The following CNTNAP2 variants were observed in gnomAD, a reference collection of about 807,000 sequenced individuals.
The protein encoded by CNTNAP2 is contactin-associated protein-like 2.
Under a neutral mutation model 155.2 loss-of-function variants are expected in CNTNAP2, and 98 were observed. The ratio of observed to expected loss-of-function variants is 0.63; its 90% CI spans 0.54 to 0.75. CNTNAP2 has a LOEUF of 0.75. CNTNAP2 is among the 30% of genes least tolerant of loss of function. The pLI is 0.00. For synonymous variants in CNTNAP2, 651 were observed against 631.2 expected (o/e 1.03, Z -0.47); for missense variants, 1,727 against 1,688.1 (o/e 1.02, Z -0.40).
At chr7:146,944,873 G>A (rs985867223) in intron 3 of CNTNAP2, among the ~76,000 whole-genome samples, 5 of 149,802 alleles carry the variant, frequency 3.3e-5, no homozygotes, top group South Asian at 2.1e-4. Context: ...GCGAGACTCC[G>A]TCTAAAAAAA....
intron 1 of CNTNAP2, among the ~76,000 whole-genome samples, chr7:146,429,950 A>G (rs910555174): frequency 2.0e-5 from 3 of 152,150 alleles, no homozygotes; most frequent in African/African-American, 7.2e-5. Flanking sequence ...GAATTTTATC[A>G]AAGGCCTTTT....
intron 3 of CNTNAP2, among the ~76,000 whole-genome samples, chr7:146,983,219 A>C (rs1798052091): frequency 6.6e-6 from 1 of 152,184 alleles, no homozygotes; most frequent in African/African-American, 2.4e-5. Flanking sequence ...TTTCTGCTGA[A>C]AGATTCTGCT....
At chr7:147,579,456 T>C (rs1800456661) in intron 12 of CNTNAP2, among the ~76,000 whole-genome samples, 1 of 152,166 alleles carries the variant, frequency 6.6e-6, no homozygotes, top group Non-Finnish European at 1.5e-5. Flanking sequence ...AATAATCTGT[T>C]ATAATATGCC....
chr7:146,369,597 T>C (rs1795205008), intron 1 of CNTNAP2, among the ~76,000 whole-genome samples: 1 of 152,148 alleles, frequency 6.6e-6, no homozygotes, highest in Admixed American at 6.5e-5. Flanking sequence ...TCTATCCATC[T>C]GAATGATGAA....
chr7:146,445,472 A>G (rs1796389591), intron 1 of CNTNAP2, among the ~76,000 whole-genome samples: 2 of 152,214 alleles, frequency 1.3e-5, no homozygotes, highest in Non-Finnish European at 2.9e-5. Context: ...ATGAGGTAAC[A>G]AAAGAGTTCC....
chr7:147,099,852 G>C (rs2129277189), intron 4 of CNTNAP2, among the ~76,000 whole-genome samples: 1 of 152,290 alleles, frequency 6.6e-6, no homozygotes, highest in Non-Finnish European at 1.5e-5. Flanking sequence ...GTGGTCAAAA[G>C]TTGTAGAGCT....
intron 12 of CNTNAP2, among the ~76,000 whole-genome samples, chr7:147,567,270 G>C (rs907696091): frequency 6.6e-6 from 1 of 152,176 alleles, no homozygotes; most frequent in Non-Finnish European, 1.5e-5. Flanking sequence ...ACAAGTGGGT[G>C]TTATGCGGCT....
rs1491116617 is a variant in CNTNAP2, at chr7:146,475,000, C to CGT, written c.98-299270_98-299269insTG. Among the ~76,000 whole-genome samples the CGT allele has an allele frequency of 9.0e-5, 11 of 122,566 alleles. No individual in the cohort carries two copies. The East Asian group carries it at 9.4e-4, about 10-fold the overall frequency. 80.4% of individuals were successfully genotyped at this position (122,566 alleles called of 152,430 possible). A position where few individuals can be genotyped will look rare whatever the true frequency, so the allele number is the denominator to read the frequency against. ...ACATATGCCTGAGCACGAGCGCGCA[C>CGT]GCGCGCGCGCGCGCACACACACACA... On this transcript the variant is annotated intron_variant, in intron 1 of 23. Transcript: ENST00000361727.
At chr7:147,502,602 C>G (rs901603169) in intron 11 of CNTNAP2, among the ~76,000 whole-genome samples, 23 of 152,090 alleles carry the variant, frequency 1.5e-4, no homozygotes, top group African/African-American at 5.3e-4. Flanking sequence ...GTTAATTATA[C>G]TGTATTGTAT....
At chr7:147,652,028 C>T (rs188082088) in intron 13 of CNTNAP2, among the ~76,000 whole-genome samples, 40 of 152,264 alleles carry the variant, frequency 2.6e-4, no homozygotes, top group African/African-American at 8.9e-4. Context: ...CAGAGAAATA[C>T]GGTTGAAGAA....
intron 1 of CNTNAP2, among the ~76,000 whole-genome samples, chr7:146,514,033 T>C (rs1797506539): frequency 1.3e-5 from 2 of 151,966 alleles, no homozygotes; most frequent in Admixed American, 6.6e-5. Context: ...TTTTTATATA[T>C]CATTCCATTC....
intron 10 of CNTNAP2, among the ~76,000 whole-genome samples, chr7:147,428,897 A>C (rs1009074127): frequency 6.6e-6 from 1 of 151,550 alleles, no homozygotes; most frequent in African/African-American, 2.4e-5. Context: ...AGTACAGTAC[A>C]CCCAGTGTGT....
At chr7:147,090,521 T>C (rs1377458845) in intron 4 of CNTNAP2, among the ~76,000 whole-genome samples, 3 of 152,208 alleles carry the variant, frequency 2.0e-5, no homozygotes, top group Non-Finnish European at 2.9e-5. Flanking sequence ...ACTGCAGCCA[T>C]GAATATTTTT....
At chr7:146,772,808 G>A (rs916336275) in intron 1 of CNTNAP2, among the ~76,000 whole-genome samples, 4 of 152,186 alleles carry the variant, frequency 2.6e-5, no homozygotes, top group African/African-American at 9.7e-5. Flanking sequence ...GTTGGGCAGG[G>A]GTACTTTGAA....
intron 1 of CNTNAP2, among the ~76,000 whole-genome samples, chr7:146,766,745 A>G (rs1003358320): frequency 4.6e-5 from 7 of 152,162 alleles, no homozygotes; most frequent in Admixed American, 6.5e-5. Context: ...ATTACTATCA[A>G]TTGATTCGTT....
intron 15 of CNTNAP2, among the ~76,000 whole-genome samples, chr7:148,095,931 C>T (rs1803956722): frequency 6.6e-6 from 1 of 152,224 alleles, no homozygotes; most frequent in Non-Finnish European, 1.5e-5. Context: ...AGAAAAGTTT[C>T]CCATGTATTT....
chr7:146,208,278 T>C (rs1798979845), intron 1 of CNTNAP2, among the ~76,000 whole-genome samples: 1 of 152,090 alleles, frequency 6.6e-6, no homozygotes, highest in Non-Finnish European at 1.5e-5. Context: ...TTTCCCAAGG[T>C]TTAAATCTTT....
At chr7:147,770,823 C>T (rs1368484710) in intron 13 of CNTNAP2, among the ~76,000 whole-genome samples, 1 of 152,144 alleles carries the variant, frequency 6.6e-6, no homozygotes, top group Admixed American at 6.5e-5. Flanking sequence ...TAAATTCTAA[C>T]AGGCTTTTCT....
At chr7:146,468,225 G>A (rs1339414273) in intron 1 of CNTNAP2, among the ~76,000 whole-genome samples, 1 of 152,112 alleles carries the variant, frequency 6.6e-6, no homozygotes, top group Non-Finnish European at 1.5e-5. Flanking sequence ...TCCCCCACTT[G>A]TAGGTAAGAA....
Sources: gnomAD v4.1 joint callset for allele counts (sites outside exome capture counted in the v4.1 genomes callset) on GRCh38, gnomAD v4.1.1 for gene constraint, MANE v1.5 for transcripts, NCBI Gene and HGNC (gene_info 2026-07-23, HGNC 2026-07-21) for gene names.